Variants in SHQ1 observed in about 807,000 individuals in gnomAD.
SHQ1 encodes the protein SHQ1, H/ACA ribonucleoprotein assembly factor.
SHQ1 carries 49 observed loss-of-function variants against 53.8 expected under a neutral mutation model. The observed-to-expected ratio is 0.91, with a 90% CI of 0.72 to 1.16. The LOEUF (loss-of-function observed/expected upper bound fraction) is 1.16, where lower values mean the gene tolerates loss of function less well. SHQ1 is among the 50% of genes most tolerant of loss of function. SHQ1 has a pLI of 0.00. For missense variants in SHQ1, 738 were observed against 683.1 expected (o/e 1.08, Z -0.90); for synonymous variants, 243 against 251.0 (o/e 0.97, Z 0.30).
At chr3:72,842,968 T>C (rs1004857605) in intron 2 of SHQ1, among the ~76,000 whole-genome samples, 3 of 151,944 alleles carry the variant, frequency 2.0e-5, no homozygotes, top group Admixed American at 6.6e-5. Flanking sequence ...TCCCAGCTAC[T>C]TGGGAGGCTG....
At position 72,848,218 on chromosome 3, in the gene SHQ1, G is replaced by A. The variant is rs771175276; in HGVS notation, c.123C>T (p.Tyr41=). 1.9e-6 allele frequency: 3 copies of A among 1,614,072 alleles called. No homozygotes were observed. Among genetic ancestry groups the A allele is most frequent in the East Asian group, 2.2e-5 (1 of 44,894 alleles). The change falls in exon 1 of 11, where the codon TAC becomes TAT. Residue 41 remains tyrosine (Y), a synonymous_variant. Transcript: ENST00000325599. The part of the protein sequence containing the change: ...VYFEGSDFKF[Y]AKPYFLRLTL... Reference sequence around the variant, plus strand: ...CTCGCCTGAGAAAGTATGGCTTGGCGTAGAACTTGAAGTCAGACCCCTCGA... The same window carrying A: ...CTCGCCTGAGAAAGTATGGCTTGGCATAGAACTTGAAGTCAGACCCCTCGA...
intron 10 of SHQ1, among the ~76,000 whole-genome samples, chr3:72,783,096 G>A (rs996735079): frequency 1.3e-5 from 2 of 152,128 alleles, no homozygotes; most frequent in East Asian, 1.9e-4. Context: ...GCTCCACCAA[G>A]CCAAAACCAA....
At chr3:72,780,668 G>T (rs1398891282) in intron 10 of SHQ1, among the ~76,000 whole-genome samples, 1 of 152,126 alleles carries the variant, frequency 6.6e-6, no homozygotes, top group African/African-American at 2.4e-5. Flanking sequence ...GGGTTTATAG[G>T]ATACATACAC....
chr3:72,847,543 A>C (rs766400277), intron 1 of SHQ1, among the ~76,000 whole-genome samples: 2 of 152,160 alleles, frequency 1.3e-5, no homozygotes, highest in Non-Finnish European at 2.9e-5. Context: ...GCTGCTACCA[A>C]GGTTACGATT....
chr3:72,730,531 A>G, the SHQ1 span, among the ~76,000 whole-genome samples: 14 of 152,226 alleles, frequency 9.2e-5, no homozygotes, highest in Non-Finnish European at 1.6e-4. Context: ...ACATCTTAAA[A>G]TGCCTCTGCT....
Position 72,842,344 on chromosome 3 carries a change from G to A in SHQ1, c.267C>T (p.Asn89=), listed in dbSNP as rs966906721. ...ETPGQHFEGL[N]MLTALLAPRK... The stretch of plus-strand genomic sequence containing the variant: ...TTGGTGCCAGAAGAGCAGTTAACAT[G>A]TTCAGCCCCTCAAAATGCTGGCCAG... The change falls in exon 3 of 11, where the codon AAC becomes AAT. Residue 89 remains asparagine (N), a synonymous_variant. Coordinates refer to ENST00000325599, the MANE Select transcript of SHQ1 (RefSeq NM_018130.3). 4 of 1,613,934 alleles carry A rather than the reference G, an allele frequency of 2.5e-6. No individual in the cohort carries two copies. The highest frequency in any genetic ancestry group is 3.4e-6 in the Non-Finnish European group (4 of 1,179,878).
chr3:72,757,550 C>T (rs1022321410), intron 10 of SHQ1, among the ~76,000 whole-genome samples: 1 of 151,808 alleles, frequency 6.6e-6, no homozygotes, highest in African/African-American at 2.4e-5. Flanking sequence ...CCACTGAGCC[C>T]GGCTTCAACT....
intron 5 of SHQ1, 114 bp from the exon 6 acceptor site, chr3:72,824,665 A>G (rs1707591910): frequency 8.2e-7 from 1 of 1,226,702 alleles, no homozygotes; most frequent in African/African-American, 1.5e-5. Context: ...TTCAAAGTAC[A>G]TTTCAAGGAA....
At chr3:72,807,202 C>T (rs1706979360) in intron 9 of SHQ1, among the ~76,000 whole-genome samples, 2 of 152,198 alleles carry the variant, frequency 1.3e-5, no homozygotes, top group Admixed American at 6.6e-5. Context: ...TCTTCAGTGA[C>T]TTAAATGTAG....
intron 10 of SHQ1, among the ~76,000 whole-genome samples, chr3:72,768,183 A>T (rs1432857453): frequency 6.6e-6 from 1 of 152,230 alleles, no homozygotes; most frequent in Non-Finnish European, 1.5e-5. Context: ...AGAAGAAATC[A>T]GCAGAGATAA....
chr3:72,799,453 T>A (rs1441150595), intron 9 of SHQ1, among the ~76,000 whole-genome samples: 1 of 152,206 alleles, frequency 6.6e-6, no homozygotes, highest in Non-Finnish European at 1.5e-5. Context: ...TTCTGTCAAA[T>A]TAATCTAAAT....
intron 1 of SHQ1, 93 bp downstream of exon 1, chr3:72,848,105 C>A: frequency 6.8e-7 from 1 of 1,473,654 alleles, no homozygotes; most frequent in Non-Finnish European, 9.4e-7. Context: ...GGCATTCGCG[C>A]AATCGAGCAC....
chr3:72,788,342 G>C (rs974956326), intron 10 of SHQ1, among the ~76,000 whole-genome samples: 3 of 151,800 alleles, frequency 2.0e-5, no homozygotes, highest in Non-Finnish European at 4.4e-5. Context: ...TCTGGGAACT[G>C]AGGAGTGTCT....
intron 7 of SHQ1, 139 bp from the exon 8 acceptor site, chr3:72,815,542 A>C: frequency 6.8e-6 from 4 of 584,580 alleles, no homozygotes; most frequent in Non-Finnish European, 1.2e-5. Context: ...ACTATAGAAA[A>C]ATAATTATTT....
intron 9 of SHQ1, among the ~76,000 whole-genome samples, chr3:72,806,896 T>A (rs1156998344): frequency 6.6e-6 from 1 of 152,202 alleles, no homozygotes; most frequent in Non-Finnish European, 1.5e-5. Flanking sequence ...ATATATTTTA[T>A]GTTACTGATG....
chr3:72,754,467 C>T (rs777063237), intron 10 of SHQ1, among the ~76,000 whole-genome samples: 1 of 151,674 alleles, frequency 6.6e-6, no homozygotes, highest in Non-Finnish European at 1.5e-5. Flanking sequence ...CCACAACCTT[C>T]ACTTCCTGGG....
At chr3:72,807,280 T>A (rs952803771) in intron 9 of SHQ1, among the ~76,000 whole-genome samples, 1 of 152,208 alleles carries the variant, frequency 6.6e-6, no homozygotes, top group Non-Finnish European at 1.5e-5. Context: ...ACAAATGCAA[T>A]TTTTCAAAAA....
intron 5 of SHQ1, among the ~76,000 whole-genome samples, chr3:72,824,787 CTTTTT>C (rs36082106): frequency 7.0e-6 from 1 of 142,788 alleles, no homozygotes; most frequent in Admixed American, 7.0e-5. Context: ...TTGCTGATCT[CTTTTT>C]TTTTTTTTTT....
chr3:72,786,615 C>G lies in SHQ1; in HGVS notation c.1181+6301G>C, dbSNP rs184588698. 5.3e-5 allele frequency among the ~76,000 whole-genome samples: 8 copies of G among 152,324 alleles called. No homozygotes were observed. In the East Asian group the frequency reaches 1.5e-3, roughly 29 times the overall value. On this transcript the variant is annotated intron_variant, in intron 10 of 10. Coordinates refer to ENST00000325599, the MANE Select transcript of SHQ1 (RefSeq NM_018130.3). Reference sequence around the variant, plus strand: ...CTCTTCCTCTGGAAGCCTTTTCCTACAGCCCTGTGTCCTCTTAGATGCTTC... The same window carrying G: ...CTCTTCCTCTGGAAGCCTTTTCCTAGAGCCCTGTGTCCTCTTAGATGCTTC...
Sources: allele counts gnomAD v4.1 joint callset (sites outside exome capture counted in the v4.1 genomes callset), GRCh38; gene constraint gnomAD v4.1.1; transcripts MANE v1.5; gene names NCBI Gene and HGNC (gene_info 2026-07-23, HGNC 2026-07-21).